The following LMTK2 variants were observed in gnomAD, a reference collection of about 807,000 sequenced individuals.
The protein encoded by LMTK2 is lemur tail kinase 2.
Under a neutral mutation model 127.5 loss-of-function variants are expected in LMTK2, and 37 were observed. The observed-to-expected ratio is 0.29, with a 90% CI of 0.22 to 0.38. The LOEUF (loss-of-function observed/expected upper bound fraction) is 0.38. Ranked by LOEUF, LMTK2 falls within the 10% of genes least tolerant of loss-of-function variation. The probability of loss-of-function intolerance (pLI) is 1.00; values close to 1 mark genes in which losing one functional copy is unlikely to be tolerated. For synonymous variants in LMTK2, 819 were observed against 810.1 expected, an observed-to-expected ratio of 1.01 and a Z score of -0.19; for missense variants, 1,694 against 1,920.3, an observed-to-expected ratio of 0.88 and a Z score of 2.20.
rs6968308 is a variant in LMTK2 at position 98,191,575 on chromosome 7, C to T, written c.1149-39C>T. 3.8e-3 allele frequency: 5,195 copies of T among 1,378,620 alleles called. 103 individuals carry two copies. The African/African-American group carries it at 0.05, about 13-fold the overall frequency. The allele number at this position is 1,378,620 out of a possible 1,614,324, so 85.4% of individuals were successfully genotyped here. Reference sequence around the variant, plus strand: ...TCGAACCAAAAAAAAAAAAAAAATTCGTGATGGTTCCACTGATTGCTTGTC... The same window carrying T: ...TCGAACCAAAAAAAAAAAAAAAATTTGTGATGGTTCCACTGATTGCTTGTC... On this transcript the variant is annotated intron_variant, in intron 10 of 13. Coordinates refer to ENST00000297293, the MANE Select transcript of LMTK2 (RefSeq NM_014916.4).
rs745889063 is a variant in LMTK2 at position 98,192,820 on chromosome 7, A to G, written c.2355A>G (p.Glu785=). 1 of 1,613,798 alleles carries G rather than the reference A, an allele frequency of 6.2e-7. No individual in the cohort carries two copies. Among genetic ancestry groups the G allele is most frequent in the Non-Finnish European group, 8.5e-7 (1 of 1,179,770 alleles). Residue 785 remains glutamate (E), a synonymous_variant, in exon 11 of 14, where the codon GAA becomes GAG. Transcript: ENST00000297293. ...ENKPGLSLLQ[E]NVSTKGDDTD... is the part of the protein sequence containing the mutation. Reference sequence around the variant, plus strand: ...AGCCAGGCTTGTCTTTGTTGCAGGAAAACGTAAGCACAAAGGGTGACGATA... The same window carrying G: ...AGCCAGGCTTGTCTTTGTTGCAGGAGAACGTAAGCACAAAGGGTGACGATA...
chr7:98,134,727 C>T (rs1796575176), intron 1 of LMTK2, among the ~76,000 whole-genome samples: 1 of 152,036 alleles, frequency 6.6e-6, no homozygotes, highest in Non-Finnish European at 1.5e-5. Context: ...GTGAACAGCT[C>T]ACTGCAAGGA....
chr7:98,151,329 A>G lies in LMTK2; in HGVS notation c.377-53A>G, dbSNP rs61120881. The G allele has an allele frequency of 8.0e-4, 951 of 1,187,828 alleles. 11 individuals carry two copies. The African/African-American group carries it at 0.013, about 16-fold the overall frequency. The allele number at this position is 1,187,828 out of a possible 1,614,324, so 73.6% of individuals were successfully genotyped here. On this transcript the variant is annotated intron_variant, in intron 3 of 13. Coordinates refer to ENST00000297293, the MANE Select transcript of LMTK2 (RefSeq NM_014916.4). ...TTAGTGTTCATACTTTATAGGTTATATATTTAATATTTAGATACTTATATT... is the reference window on the plus strand; with the variant it reads ...TTAGTGTTCATACTTTATAGGTTATGTATTTAATATTTAGATACTTATATT...
At chr7:98,157,428 C>A (rs1175575127) in intron 5 of LMTK2, among the ~76,000 whole-genome samples, 1 of 152,070 alleles carries the variant, frequency 6.6e-6, no homozygotes, top group Non-Finnish European at 1.5e-5. Context: ...AGGTGACACA[C>A]AAAATTAACC....
chr7:98,205,363 G>GCTTC, intron 13 of LMTK2, 101 bp from the exon 14 acceptor site: 1 of 1,429,466 alleles, frequency 7.0e-7, no homozygotes, highest in South Asian at 1.2e-5. Flanking sequence ...CAAAACACCC[G>GCTTC]CTTCCGTTCC....
chr7:98,144,149 G>A (rs1796736062), intron 3 of LMTK2, among the ~76,000 whole-genome samples: 1 of 151,696 alleles, frequency 6.6e-6, no homozygotes, highest in Middle Eastern at 3.2e-3. Context: ...TATATGTTTA[G>A]GCTGGGAGCG....
At chr7:98,191,573 T>C (rs756372185) in intron 10 of LMTK2, 41 bp from the exon 11 acceptor site, 2 of 1,279,280 alleles carry the variant, frequency 1.6e-6, no homozygotes, top group East Asian at 2.4e-5. Context: ...AAAAAAAAAA[T>C]TCGTGATGGT....
chr7:98,166,912 C>T (rs558080894), intron 6 of LMTK2, among the ~76,000 whole-genome samples: 1 of 152,328 alleles, frequency 6.6e-6, no homozygotes, highest in East Asian at 1.9e-4. Context: ...AATTTAGACT[C>T]TCTGTTCTCA....
At chr7:98,114,813 T>C (rs1313664307) in intron 1 of LMTK2, among the ~76,000 whole-genome samples, 1 of 152,170 alleles carries the variant, frequency 6.6e-6, no homozygotes, top group African/African-American at 2.4e-5. Flanking sequence ...CTGTTTGCAA[T>C]TGCCTCTTTT....
At position 98,171,666 on chromosome 7, in the gene LMTK2, C is replaced by T. The variant is rs1797193664; in HGVS notation, c.783C>T (p.Phe261=). ...AGLAAMHKLH[F]LHSDLALRNC... Reference sequence around the variant, plus strand: ...TGGCCGCCATGCACAAGCTGCACTTCCTGCACAGGTGGGTACCTGCGTCAG... The same window carrying T: ...TGGCCGCCATGCACAAGCTGCACTTTCTGCACAGGTGGGTACCTGCGTCAG... Residue 261 remains phenylalanine, a synonymous_variant, in exon 7 of 14, where the codon TTC becomes TTT. Coordinates refer to ENST00000297293, the MANE Select transcript of LMTK2 (RefSeq NM_014916.4). This position sits in a 1 kb window ranked among gnomAD's most constrained non-coding sequence, Gnocchi z 5.1. The T allele has an allele frequency of 1.3e-6, 2 of 1,588,538 alleles. No homozygotes were observed. Among genetic ancestry groups the T allele is most frequent in the Non-Finnish European group, 1.7e-6 (2 of 1,167,720 alleles).
At position 98,186,890 on chromosome 7, in the gene LMTK2, A is replaced by T; in HGVS notation, c.890A>T (p.Glu297Val). The part of the protein sequence containing the change: ...GFSRYKEDYI[E>V]TDDKKVFPLR... ...CTAACAAAACAGGAGGATTATATTGAAACAGATGATAAAAAAGTTTTCCCT... is the reference window on the plus strand; with the variant it reads ...CTAACAAAACAGGAGGATTATATTGTAACAGATGATAAAAAAGTTTTCCCT... The change falls in exon 9 of 14, where the codon GAA becomes GTA. Residue 297 changes from glutamate (E) to valine (V), a missense_variant. Glu to Val is a moderately radical substitution (Grantham distance 121, BLOSUM62 -2). Transcript: ENST00000297293. The T allele has an allele frequency of 1.2e-6, 2 of 1,612,904 alleles. No homozygotes were observed. The highest frequency in any genetic ancestry group is 1.7e-6 in the Non-Finnish European group (2 of 1,179,110).
At position 98,193,431 on chromosome 7, in the gene LMTK2, C is replaced by T. The variant is rs1379313987; in HGVS notation, c.2966C>T (p.Ala989Val). The change falls in exon 11 of 14, where the codon GCC becomes GTC. Residue 989 changes from alanine to valine, a missense_variant. Physicochemically the swap from Ala to Val is moderately conservative, Grantham distance 64. This residue lies in a region of LMTK2 where 527 missense variants were observed against 539.8 expected (regional missense o/e 0.98). Transcript: ENST00000297293. This position sits in a 1 kb window ranked among gnomAD's most constrained non-coding sequence, Gnocchi z 4.1. ...GACAGCTTGTCAGCACCCTTCCCAG[C>T]CTCTGAGCCGTCCCTGGAAACCCCG... ...LEDSLSAPFP[A>V]SEPSLETPDS... 1 of 1,614,206 alleles carries T rather than the reference C, an allele frequency of 6.2e-7. No homozygotes were observed. The highest frequency in any genetic ancestry group is 2.2e-5 in the East Asian group (1 of 44,880).
At chr7:98,162,067 A>G (rs1228226233) in intron 6 of LMTK2, among the ~76,000 whole-genome samples, 1 of 152,096 alleles carries the variant, frequency 6.6e-6, no homozygotes, top group Admixed American at 6.5e-5. Flanking sequence ...CCAGTAGACA[A>G]TGTTAGTTTT....
intron 7 of LMTK2, among the ~76,000 whole-genome samples, chr7:98,181,744 C>T (rs138100554): frequency 1.2e-4 from 19 of 152,232 alleles, no homozygotes; most frequent in East Asian, 1.9e-4. Flanking sequence ...CTGCAACCTC[C>T]GCCTCCTGGG....
chr7:98,152,053 C>G (rs190551039), intron 4 of LMTK2, among the ~76,000 whole-genome samples: 1 of 152,336 alleles, frequency 6.6e-6, no homozygotes, highest in East Asian at 1.9e-4. Context: ...GACCTGGAAT[C>G]TTAGCAGCTT....
rs199639482 is a variant in LMTK2 at position 98,193,291 on chromosome 7, A to C, written c.2826A>C (p.Lys942Asn). 36 of 1,613,944 alleles carry C rather than the reference A, an allele frequency of 2.2e-5. No individual in the cohort carries two copies. Among genetic ancestry groups the C allele is most frequent in the Admixed American group, 6.7e-5 (4 of 60,028 alleles). Residue 942 changes from lysine to asparagine, a missense_variant, in exon 11 of 14, where the codon AAA (lysine) becomes AAC (asparagine). Lys to Asn is a moderately conservative substitution (Grantham distance 94). This residue lies in a region of LMTK2 where 527 missense variants were observed against 539.8 expected (regional missense o/e 0.98). Transcript: ENST00000297293. This position sits in a 1 kb window ranked among gnomAD's most constrained non-coding sequence, Gnocchi z 4.1. Reference sequence around the variant, plus strand: ...ATCACAGTCATCGCCGGCTAGAGAAAAACTTAGAGGCTGTGGAGACTTTAA... The same window carrying C: ...ATCACAGTCATCGCCGGCTAGAGAACAACTTAGAGGCTGTGGAGACTTTAA... ...EDHHSHRRLE[K>N]NLEAVETLNQ...
chr7:98,146,556 T>G (rs1796775744), intron 3 of LMTK2, among the ~76,000 whole-genome samples: 1 of 152,204 alleles, frequency 6.6e-6, no homozygotes, highest in African/African-American at 2.4e-5. Context: ...GTTTTCTTAG[T>G]GATTATAATG....
In LMTK2 at chr7:98,153,711, A is replaced by G. The variant is rs1796888687; in HGVS notation, c.451-1047A>G. On this transcript the variant is annotated intron_variant, in intron 4 of 13. Coordinates refer to ENST00000297293, the MANE Select transcript of LMTK2 (RefSeq NM_014916.4). ...AACATAGCACAACCCCATCTCTAAA[A>G]AAAAATTCGCTGAGTGGGATGGCAC... Among the ~76,000 whole-genome samples, 3 of 152,032 alleles carry G rather than the reference A, an allele frequency of 2.0e-5. No homozygotes were observed. In the South Asian group the frequency reaches 6.2e-4, roughly 32 times the overall value.
At chr7:98,158,370 G>A (rs149376243) in intron 5 of LMTK2, among the ~76,000 whole-genome samples, 338 of 152,266 alleles carry the variant, frequency 2.2e-3, no homozygotes, top group Middle Eastern at 0.021. Context: ...CACCTCCTGC[G>A]CTCACGCAAT....
Sources: allele counts gnomAD v4.1 joint callset (sites outside exome capture counted in the v4.1 genomes callset), GRCh38; gene constraint gnomAD v4.1.1; regional missense constraint gnomAD v4.1.1; non-coding constraint Gnocchi (gnomAD v3.1); transcripts MANE v1.5; gene names NCBI Gene and HGNC (gene_info 2026-07-23, HGNC 2026-07-21).